TYW1B: variants seen among roughly 807,000 people sequenced by gnomAD.
TYW1B encodes the protein S-adenosyl-L-methionine-dependent tRNA 4-demethylwyosine synthase TYW1B.
A neutral mutation model predicts 86.9 loss-of-function variants in TYW1B; 73 were observed. That is an observed-to-expected ratio of 0.84 (90% CI 0.70 to 1.02). The LOEUF is 1.02. TYW1B is among the 50% of genes least tolerant of loss of function. The probability of loss-of-function intolerance (pLI) is 0.00; values close to 1 mark genes in which losing one functional copy is unlikely to be tolerated. For synonymous variants in TYW1B, 248 were observed against 292.8 expected (o/e 0.85, Z 1.56); for missense variants, 637 against 827.4 (o/e 0.77, Z 2.82).
At chr7:72,818,041 T>C (rs570865136) in intron 2 of TYW1B, among the ~76,000 whole-genome samples, 2 of 151,404 alleles carry the variant, frequency 1.3e-5, no homozygotes, top group African/African-American at 4.8e-5. Context: ...CCCCTTGGTG[T>C]TGAGTTCTTG....
At chr7:72,775,588 T>C (rs1184996240) in intron 7 of TYW1B, among the ~76,000 whole-genome samples, 5 of 152,222 alleles carry the variant, frequency 3.3e-5, no homozygotes, top group African/African-American at 1.2e-4. Flanking sequence ...ATTACTGAAC[T>C]TGAAGACACA....
chr7:72,757,551 G>A (rs1554466452), intron 7 of TYW1B, among the ~76,000 whole-genome samples: 1 of 152,102 alleles, frequency 6.6e-6, no homozygotes, highest in Non-Finnish European at 1.5e-5. Context: ...ACAGAATTTG[G>A]AGAGACCAGA....
chr7:72,788,247 G>A (rs1554472873), intron 6 of TYW1B, among the ~76,000 whole-genome samples: 1 of 152,062 alleles, frequency 6.6e-6, no homozygotes, highest in Non-Finnish European at 1.5e-5. Flanking sequence ...CCAAAGGATT[G>A]GGATTACAGG....
At chr7:72,668,167 A>T (rs1813512222) in intron 11 of TYW1B, among the ~76,000 whole-genome samples, 1 of 152,226 alleles carries the variant, frequency 6.6e-6, no homozygotes, top group African/African-American at 2.4e-5. Flanking sequence ...ATAAAATACA[A>T]ATTGTTTTTC....
intron 13 of TYW1B, among the ~76,000 whole-genome samples, chr7:72,612,828 C>T (rs1301198055): frequency 6.6e-6 from 1 of 152,008 alleles, no homozygotes; most frequent in Non-Finnish European, 1.5e-5. Context: ...CGGGTCACTG[C>T]AGCCTTGACC....
At chr7:72,743,844 CAA>C (rs71071911) in intron 8 of TYW1B, among the ~76,000 whole-genome samples, 27 of 87,398 alleles carry the variant, frequency 3.1e-4, no homozygotes, top group Admixed American at 3.7e-4. Context: ...AACTCCATCT[CAA>C]AAAAAAAAAA....
chr7:72,771,851 T>TG (rs1420383338), intron 7 of TYW1B, among the ~76,000 whole-genome samples: 1 of 145,320 alleles, frequency 6.9e-6, no homozygotes, highest in Non-Finnish European at 1.5e-5. Flanking sequence ...AAGAAATGAT[T>TG]TTTTTTTTTT....
intron 13 of TYW1B, among the ~76,000 whole-genome samples, chr7:72,611,685 C>T (rs1224759115): frequency 6.6e-6 from 1 of 152,152 alleles, no homozygotes; most frequent in African/African-American, 2.4e-5. Context: ...ATTGTTTACT[C>T]ATCTTTGTAT....
chr7:72,771,107 C>T (rs1400737606), intron 7 of TYW1B, among the ~76,000 whole-genome samples: 13 of 151,836 alleles, frequency 8.6e-5, no homozygotes, highest in South Asian at 2.1e-4. Context: ...GGATTACAGA[C>T]GCCCACCAGG....
intron 4 of TYW1B, among the ~76,000 whole-genome samples, chr7:72,809,779 C>G (rs1349500773): frequency 6.6e-6 from 1 of 152,138 alleles, no homozygotes; most frequent in Non-Finnish European, 1.5e-5. Context: ...GTGGGTGGAT[C>G]ACCTGAGGTC....
intron 9 of TYW1B, among the ~76,000 whole-genome samples, chr7:72,715,586 C>T (rs1372606183): frequency 1.3e-5 from 2 of 151,870 alleles, no homozygotes; most frequent in Non-Finnish European, 2.9e-5. Context: ...TGGGGCCTAT[C>T]AGAGGGTGGA....
At chr7:72,615,050 A>G (rs1415405340) in intron 13 of TYW1B, among the ~76,000 whole-genome samples, 1 of 152,218 alleles carries the variant, frequency 6.6e-6, no homozygotes, top group African/African-American at 2.4e-5. Flanking sequence ...TGCCAAGTCT[A>G]CTTTTCAATT....
At chr7:72,821,219 C>G (rs1174988482) in intron 2 of TYW1B, among the ~76,000 whole-genome samples, 1 of 152,174 alleles carries the variant, frequency 6.6e-6, no homozygotes, top group African/African-American at 2.4e-5. Flanking sequence ...AGTGACCCAC[C>G]TGCCTCAGCC....
chr7:72,649,887 T>A (rs1364696656), intron 11 of TYW1B, among the ~76,000 whole-genome samples: 1 of 151,754 alleles, frequency 6.6e-6, no homozygotes, highest in Non-Finnish European at 1.5e-5. Flanking sequence ...AGTCCAGGGA[T>A]GTTCAGAATT....
chr7:72,628,632 C>T (rs1475574133), intron 12 of TYW1B, among the ~76,000 whole-genome samples: 1 of 152,074 alleles, frequency 6.6e-6, no homozygotes, highest in African/African-American at 2.4e-5. Context: ...TTTAATGACT[C>T]ACTTTGTGTG....
intron 10 of TYW1B, among the ~76,000 whole-genome samples, chr7:72,696,079 C>T (rs1814313094): frequency 6.6e-6 from 1 of 151,574 alleles, no homozygotes; most frequent in South Asian, 2.1e-4. Context: ...TCCTAAGTAG[C>T]TGGGATTACA....
At chr7:72,744,854 T>G (rs1350561153) in intron 7 of TYW1B, among the ~76,000 whole-genome samples, 19 of 152,176 alleles carry the variant, frequency 1.2e-4, no homozygotes, top group Admixed American at 1.2e-3. Context: ...CACTAATGCT[T>G]TCATTTTCAA....
chr7:72,656,251 T>C (rs1240193371), intron 11 of TYW1B, among the ~76,000 whole-genome samples: 6 of 152,156 alleles, frequency 3.9e-5, no homozygotes, highest in Non-Finnish European at 1.5e-5. Context: ...ACTACACTGC[T>C]GCACCCACCC....
chr7:72,770,441 A>AG (rs1183914027), intron 7 of TYW1B, among the ~76,000 whole-genome samples: 83 of 150,802 alleles, frequency 5.5e-4, no homozygotes, highest in East Asian at 1.7e-3. Context: ...AAAAAAAAAA[A>AG]AAAAAGAAAA....
Sources: gnomAD v4.1 joint callset for allele counts (sites outside exome capture counted in the v4.1 genomes callset) on GRCh38, gnomAD v4.1.1 for gene constraint, MANE v1.5 for transcripts, NCBI Gene and HGNC (gene_info 2026-07-23, HGNC 2026-07-21) for gene names.